NUDT21: variants seen among roughly 807,000 people sequenced by gnomAD.
The protein encoded by NUDT21 is cleavage and polyadenylation specificity factor subunit 5.
A neutral mutation model predicts 29.8 loss-of-function variants in NUDT21; 5 were observed. The ratio of observed to expected loss-of-function variants is 0.17; its 90% CI spans 0.09 to 0.35. The LOEUF (loss-of-function observed/expected upper bound fraction) is 0.35. Ranked by LOEUF, NUDT21 falls within the 10% of genes least tolerant of loss-of-function variation. NUDT21 has a pLI of 1.00. For missense variants in NUDT21, 76 were observed against 276.0 expected (o/e 0.28, Z 5.13); for synonymous variants, 113 against 98.5 (o/e 1.15, Z -0.87).
chr16:56,435,743 T>TTATTTATATATATATATA (rs1555514703), intron 4 of NUDT21, among the ~76,000 whole-genome samples: 3 of 27,070 alleles, frequency 1.1e-4, no homozygotes, highest in Admixed American at 7.7e-4. Flanking sequence ...AAAAAAAAAA[T>TTATTTATATATATATATA]TATATATATA....
At chr16:56,442,542 C>G (rs1283473050) in intron 3 of NUDT21, among the ~76,000 whole-genome samples, 1 of 152,180 alleles carries the variant, frequency 6.6e-6, no homozygotes, top group Non-Finnish European at 1.5e-5. Flanking sequence ...CCACCTCCCA[C>G]TTTGGAAGCT....
chr16:56,440,389 C>A lies in NUDT21; in HGVS notation c.382-643G>T, dbSNP rs992641821. On this transcript the variant is annotated intron_variant, in intron 3 of 6. Coordinates refer to ENST00000300291, the MANE Select transcript of NUDT21 (RefSeq NM_007006.3). ...TGAAGTCCATATATTATTCAGATAT[C>A]CATAGTCTTTAACCTAATGTCCTTT... Among the ~76,000 whole-genome samples the A allele has an allele frequency of 2.0e-5, 3 of 152,214 alleles. No individual in the cohort carries two copies. In the South Asian group the frequency reaches 6.2e-4, roughly 31 times the overall value.
chr16:56,439,619 G>T, intron 4 of NUDT21, 38 bp downstream of exon 4: 2 of 1,327,500 alleles, frequency 1.5e-6, no homozygotes, highest in Non-Finnish European at 2.2e-6. Flanking sequence ...CGAGCTTTCT[G>T]CTTCCAAAAT....
At chr16:56,438,688 T>C (rs1962129372) in intron 4 of NUDT21, among the ~76,000 whole-genome samples, 2 of 151,910 alleles carry the variant, frequency 1.3e-5, no homozygotes, top group South Asian at 4.1e-4. Context: ...GATCTAACTA[T>C]CAATTTGCAA....
chr16:56,432,637 A>C lies in NUDT21; in HGVS notation c.*75T>G, dbSNP rs912753262. The stretch of plus-strand genomic sequence containing the variant: ...ATAAAACCAAAAAAACTTTTCTACC[A>C]CATTTATTCTACACTGTATATAGCT... On this transcript the variant is annotated 3_prime_UTR_variant, in exon 7 of 7. Coordinates refer to ENST00000300291, the MANE Select transcript of NUDT21 (RefSeq NM_007006.3). 2.2e-6 allele frequency: 3 copies of C among 1,347,036 alleles called. No homozygotes were observed. The highest frequency in any genetic ancestry group is 1.5e-5 in the African/African-American group (1 of 68,084). 83.4% of individuals were successfully genotyped at this position (1,347,036 alleles called of 1,614,324 possible). A position where few individuals can be genotyped will look rare whatever the true frequency, so the allele number is the denominator to read the frequency against.
At chr16:56,442,719 G>A (rs1962173363) in intron 3 of NUDT21, among the ~76,000 whole-genome samples, 1 of 152,086 alleles carries the variant, frequency 6.6e-6, no homozygotes, top group Non-Finnish European at 1.5e-5. Context: ...ATTATGCTTT[G>A]CTAATTCTTC....
rs1372771282 is a variant in NUDT21 at position 56,432,470 on chromosome 16, T to A, written c.*242A>T. 3 of 382,094 alleles carry A rather than the reference T, an allele frequency of 7.9e-6. No individual in the cohort carries two copies. The highest frequency in any genetic ancestry group is 1.4e-5 in the Non-Finnish European group (3 of 209,168). The allele number at this position is 382,094 out of a possible 1,614,324, so 23.7% of individuals were successfully genotyped here. On this transcript the variant is annotated 3_prime_UTR_variant, in exon 7 of 7. Transcript: ENST00000300291. ...AAATTAAAATAAAAAAAGTCCATTT[T>A]CTTTAATGTTGTACAAAAAAGTATG... is the stretch of plus-strand genomic sequence containing the variant.
At chr16:56,441,062 A>G (rs1339216297) in intron 3 of NUDT21, among the ~76,000 whole-genome samples, 2 of 151,630 alleles carry the variant, frequency 1.3e-5, no homozygotes, top group Non-Finnish European at 2.9e-5. Flanking sequence ...TTTTTAAGAG[A>G]TAGGGTCTTG....
intron 3 of NUDT21, among the ~76,000 whole-genome samples, chr16:56,443,244 T>C (rs1962180382): frequency 6.6e-6 from 1 of 151,888 alleles, no homozygotes; most frequent in African/African-American, 2.4e-5. Context: ...TGGCATGATC[T>C]TGGCTCACTG....
intron 1 of NUDT21, 82 bp from the exon 2 acceptor site, chr16:56,448,071 G>A (rs950035059): frequency 7.9e-7 from 1 of 1,269,856 alleles, no homozygotes; most frequent in Non-Finnish European, 1.1e-6. Context: ...AGAAACCATG[G>A]TACAAAAAAA....
At chr16:56,449,794 A>C (rs1339902272) in intron 1 of NUDT21, among the ~76,000 whole-genome samples, 2 of 152,134 alleles carry the variant, frequency 1.3e-5, no homozygotes, top group Admixed American at 1.3e-4. Flanking sequence ...TTTTTAAAAA[A>C]ATTTTTGTAG....
chr16:56,433,352 A>T (rs7187714), intron 6 of NUDT21, among the ~76,000 whole-genome samples: 101,603 of 152,144 alleles, frequency 0.67, 36,066 homozygotes, highest in African/African-American at 0.92. Flanking sequence ...CATTTACAGA[A>T]GAAGAAACAG....
intron 1 of NUDT21, 152 bp from the exon 2 acceptor site, chr16:56,448,141 A>G: frequency 1.6e-6 from 1 of 644,584 alleles, no homozygotes; most frequent in Non-Finnish European, 2.6e-6. Context: ...ATGAAACAGC[A>G]GAGACTGGAA....
intron 3 of NUDT21, among the ~76,000 whole-genome samples, chr16:56,442,472 T>C (rs1395149517): frequency 6.6e-6 from 1 of 152,234 alleles, no homozygotes; most frequent in Non-Finnish European, 1.5e-5. Flanking sequence ...TATTTCTGGG[T>C]AGTTTAATGC....
rs1962049982 is a variant in NUDT21, at chr16:56,432,787, A to C, written c.663-54T>G. 3 of 1,292,394 alleles carry C rather than the reference A, an allele frequency of 2.3e-6. No individual in the cohort carries two copies. In the African/African-American group the frequency reaches 4.5e-5, roughly 19 times the overall value. The allele number at this position is 1,292,394 out of a possible 1,614,324, so 80.1% of individuals were successfully genotyped here. On this transcript the variant is annotated intron_variant, in intron 6 of 6. Coordinates refer to ENST00000300291, the MANE Select transcript of NUDT21 (RefSeq NM_007006.3). The stretch of plus-strand genomic sequence containing the variant: ...TTAAAGACAGTACATACTACTTTCC[A>C]TATTAGATAAATAAATTTATCTGGA...
At chr16:56,436,112 CAA>C in intron 4 of NUDT21, among the ~76,000 whole-genome samples, 1 of 148,780 alleles carries the variant, frequency 6.7e-6, no homozygotes. Context: ...TGACACAGAA[CAA>C]AAAAAAAGTC....
intron 6 of NUDT21, among the ~76,000 whole-genome samples, chr16:56,433,276 G>A (rs1251131395): frequency 2.0e-5 from 3 of 152,160 alleles, no homozygotes; most frequent in African/African-American, 7.2e-5. Context: ...TGGCACTGTT[G>A]TAAGCATTTT....
At chr16:56,445,386 G>A (rs4533280) in intron 3 of NUDT21, among the ~76,000 whole-genome samples, 28,058 of 152,110 alleles carry the variant, frequency 0.18, 2,862 homozygotes, top group Non-Finnish European at 0.24. Context: ...TGGAGAATGG[G>A]ATATCCACCC....
chr16:56,430,480 C>T lies in NUDT21; in HGVS notation c.*2232G>A, dbSNP rs1485747106. On this transcript the variant is annotated 3_prime_UTR_variant, in exon 7 of 7. Coordinates refer to ENST00000300291, the MANE Select transcript of NUDT21 (RefSeq NM_007006.3). ...TTTAGACAAATATACAACATAGAAG[C>T]CACTAAAAAATATGGGTCTATTAAT... is the stretch of plus-strand genomic sequence containing the variant. 6.6e-6 allele frequency: 1 copy of T among 152,074 alleles called. No homozygotes were observed. Among genetic ancestry groups the T allele is most frequent in the African/African-American group, 2.4e-5 (1 of 41,396 alleles). 9.4% of individuals were successfully genotyped at this position (152,074 alleles called of 1,614,324 possible).
Sources: allele counts gnomAD v4.1 joint callset (sites outside exome capture counted in the v4.1 genomes callset), GRCh38; gene constraint gnomAD v4.1.1; transcripts MANE v1.5; gene names NCBI Gene and HGNC (gene_info 2026-07-23, HGNC 2026-07-21).